The following SAFB variants were observed in gnomAD, a reference collection of about 807,000 sequenced individuals.
SAFB encodes scaffold attachment factor B, also known as scaffold attachment factor B1.
A neutral mutation model predicts 101.6 loss-of-function variants in SAFB; 15 were observed. The observed-to-expected ratio is 0.15, with a 90% CI of 0.10 to 0.23. The LOEUF is 0.23. Among genes scored for constraint, SAFB ranks in the 10% least tolerant of loss-of-function variants. The probability of loss-of-function intolerance (pLI) is 1.00; values close to 1 mark genes in which losing one functional copy is unlikely to be tolerated. For missense variants in SAFB, 930 were observed against 1,104.1 expected, an observed-to-expected ratio of 0.84 and a Z score of 2.23; for synonymous variants, 449 against 407.5, an observed-to-expected ratio of 1.10 and a Z score of -1.23.
intron 6 of SAFB, chr19:5,648,257 T>C (rs2053866236): frequency 1.8e-6 from 1 of 555,762 alleles, no homozygotes; most frequent in Non-Finnish European, 3.2e-6. Flanking sequence ...TTTTACAAAA[T>C]GTATTGGTGA....
chr19:5,655,079 T>TG (rs1364795115), intron 13 of SAFB, among the ~76,000 whole-genome samples: 1 of 152,176 alleles, frequency 6.6e-6, no homozygotes, highest in Admixed American at 6.5e-5. Context: ...GTGTGGAGCA[T>TG]GCCATGGTGA....
intron 2 of SAFB, among the ~76,000 whole-genome samples, chr19:5,641,113 GC>G (rs1235905041): frequency 6.6e-6 from 1 of 151,954 alleles, no homozygotes; most frequent in Admixed American, 6.5e-5. Flanking sequence ...CAGGTGATCC[GC>G]CCGCCTAGGC....
rs960920403 is a variant in SAFB at position 5,643,749 on chromosome 19, G to A, written c.547-1588G>A. ...ACAGTGGCTCACACCTGTAATCCCA[G>A]CTACTCAGGAGGCTGAGGCAGGAGA... On this transcript the variant is annotated intron_variant, in intron 4 of 20. Transcript: ENST00000588852. 3.3e-5 allele frequency among the ~76,000 whole-genome samples: 5 copies of A among 152,020 alleles called. No homozygotes were observed. The South Asian group carries it at 1.0e-3, about 32-fold the overall frequency.
chr19:5,658,599 G>A (rs1419334222), intron 14 of SAFB, among the ~76,000 whole-genome samples: 2 of 151,948 alleles, frequency 1.3e-5, no homozygotes, highest in Admixed American at 1.3e-4. Context: ...CAGCACTGTG[G>A]GAGGCCGACC....
Position 5,668,219 on chromosome 19 carries a change from C to T in SAFB, c.2682C>T (p.Gly894=). ...GGGGCCACCCCATCCCACACGGTGG[C>T]ATGCAGGGCGGGTTTGGAGGCCAGA... ...ASRGHPIPHG[G]MQGGFGGQSR... The change falls in exon 21 of 21, where the codon GGC becomes GGT. Residue 894 remains glycine, a synonymous_variant. Coordinates refer to ENST00000588852, the MANE Select transcript of SAFB (RefSeq NM_001201338.2). The T allele has an allele frequency of 6.2e-7, 1 of 1,609,866 alleles. No homozygotes were observed. Among genetic ancestry groups the T allele is most frequent in the Non-Finnish European group, 8.5e-7 (1 of 1,179,064 alleles).
At chr19:5,628,696 C>T (rs1042673560) in intron 2 of SAFB, among the ~76,000 whole-genome samples, 6 of 152,206 alleles carry the variant, frequency 3.9e-5, no homozygotes, top group African/African-American at 1.4e-4. Flanking sequence ...GCCCCAGTGT[C>T]AGCCACAGTG....
At chr19:5,655,260 C>A (rs2054030276) in intron 13 of SAFB, among the ~76,000 whole-genome samples, 1 of 151,930 alleles carries the variant, frequency 6.6e-6, no homozygotes, top group Non-Finnish European at 1.5e-5. Context: ...GAGATGGATA[C>A]CACCTTGGGC....
intron 14 of SAFB, among the ~76,000 whole-genome samples, chr19:5,660,025 C>G (rs1192062745): frequency 6.6e-6 from 1 of 152,188 alleles, no homozygotes; most frequent in Non-Finnish European, 1.5e-5. Flanking sequence ...GGATCCAAGA[C>G]ATGTTGGGTG....
chr19:5,665,587 G>C (rs1204450046), intron 17 of SAFB: 1 of 151,734 alleles, frequency 6.6e-6, no homozygotes, highest in Admixed American at 6.6e-5. Flanking sequence ...CTCCTACCTC[G>C]GCCTCCCAAA....
At chr19:5,626,279 C>A in intron 1 of SAFB, 126 bp from the exon 2 acceptor site, 1 of 645,924 alleles carries the variant, frequency 1.5e-6, no homozygotes, top group South Asian at 1.8e-5. Context: ...GCCACAGGTC[C>A]TGGGTGGTGA....
intron 2 of SAFB, among the ~76,000 whole-genome samples, chr19:5,640,870 G>T (rs2053694658): frequency 6.6e-6 from 1 of 151,596 alleles, no homozygotes; most frequent in Non-Finnish European, 1.5e-5. Flanking sequence ...GACTTAACAG[G>T]CATGAGCCAC....
chr19:5,665,701 C>T (rs2054313039), intron 17 of SAFB: 1 of 152,192 alleles, frequency 6.6e-6, no homozygotes, highest in South Asian at 2.1e-4. Flanking sequence ...GATCCCTTCT[C>T]CTCACATACA....
At chr19:5,646,392 C>T (rs1465373919) in intron 5 of SAFB, among the ~76,000 whole-genome samples, 2 of 152,202 alleles carry the variant, frequency 1.3e-5, no homozygotes, top group Non-Finnish European at 2.9e-5. Flanking sequence ...TGCAAATTGA[C>T]ACGGCCATTC....
chr19:5,658,646 A>G (rs867815448), intron 14 of SAFB, among the ~76,000 whole-genome samples: 1 of 150,540 alleles, frequency 6.6e-6, no homozygotes, highest in South Asian at 2.1e-4. Flanking sequence ...GATCGAGACC[A>G]TCCTGGCTAA....
chr19:5,667,784 G>A lies in SAFB; in HGVS notation c.2558-36G>A, dbSNP rs369017493. ...GTGCCGTGGGTTCCACGCCGTGTGC[G>A]CAAGTTCCCTGTGTGAAAGCACGTC... On this transcript the variant is annotated intron_variant, in intron 19 of 20. Coordinates refer to ENST00000588852, the MANE Select transcript of SAFB (RefSeq NM_001201338.2). This position sits in a 1 kb window ranked among gnomAD's most constrained non-coding sequence, Gnocchi z 4.0. 7.1e-5 allele frequency: 115 copies of A among 1,609,882 alleles called. No individual in the cohort carries two copies. Among genetic ancestry groups the A allele is most frequent in the African/African-American group, 5.3e-4 (40 of 74,836 alleles).
At chr19:5,668,064 G>A (rs1412956722) in intron 20 of SAFB, 98 bp from the exon 21 acceptor site, 1 of 1,515,082 alleles carries the variant, frequency 6.6e-7, no homozygotes, top group East Asian at 2.3e-5. Flanking sequence ...TTAGGAAGGG[G>A]CCCTGCCTGC....
At chr19:5,650,835 G>C in intron 8 of SAFB, 143 bp from the exon 9 acceptor site, 2 of 597,188 alleles carry the variant, frequency 3.3e-6, no homozygotes, top group Non-Finnish European at 6.0e-6. Flanking sequence ...GAGGATAGTG[G>C]TCAGGCCCAC....
intron 17 of SAFB, chr19:5,665,961 C>G (rs2054318349): frequency 6.6e-6 from 1 of 152,226 alleles, no homozygotes; most frequent in Admixed American, 6.5e-5. Context: ...TAACGTGGGA[C>G]ATCGTGCACG....
intron 14 of SAFB, among the ~76,000 whole-genome samples, chr19:5,658,314 C>G (rs1185920160): frequency 1.3e-5 from 2 of 152,184 alleles, no homozygotes; most frequent in Admixed American, 1.3e-4. Flanking sequence ...GGGCCTCATT[C>G]TTAAATAAGT....
Sources: allele counts gnomAD v4.1 joint callset (sites outside exome capture counted in the v4.1 genomes callset), GRCh38; gene constraint gnomAD v4.1.1; non-coding constraint Gnocchi (gnomAD v3.1); transcripts MANE v1.5; gene names NCBI Gene and HGNC (gene_info 2026-07-23, HGNC 2026-07-21).